The following LRP1B variants were observed in gnomAD, a reference collection of about 807,000 sequenced individuals.
LRP1B encodes low-density lipoprotein receptor-related protein 1B.
A neutral mutation model predicts 556.6 loss-of-function variants in LRP1B; 217 were observed. The ratio of observed to expected loss-of-function variants is 0.39; its 90% CI spans 0.35 to 0.44. LRP1B has a LOEUF of 0.44. Ranked by LOEUF, LRP1B falls within the 20% of genes least tolerant of loss-of-function variation. LRP1B has a pLI of 1.00. For synonymous variants in LRP1B, 2,047 were observed against 1,865.8 expected (o/e 1.10, Z -2.50); for missense variants, 5,053 against 5,620.8 (o/e 0.90, Z 3.23).
intron 7 of LRP1B, among the ~76,000 whole-genome samples, chr2:141,142,744 C>G (rs1217015640): frequency 6.6e-6 from 1 of 151,864 alleles, no homozygotes; most frequent in Non-Finnish European, 1.5e-5. Context: ...TAGGAATGTG[C>G]TCATAACATT....
chr2:141,459,828 T>C (rs1681791178), intron 3 of LRP1B, among the ~76,000 whole-genome samples: 1 of 152,116 alleles, frequency 6.6e-6, no homozygotes, highest in Non-Finnish European at 1.5e-5. Context: ...CAGTCTTGGG[T>C]ATGTCTTTAT....
At chr2:140,996,276 C>T (rs1344525265) in intron 15 of LRP1B, among the ~76,000 whole-genome samples, 1 of 151,978 alleles carries the variant, frequency 6.6e-6, no homozygotes, top group Non-Finnish European at 1.5e-5. Context: ...GTAGTTATAT[C>T]ACAAAGAAAC....
At chr2:141,832,558 G>T (rs1326501461) in intron 1 of LRP1B, among the ~76,000 whole-genome samples, 2 of 151,688 alleles carry the variant, frequency 1.3e-5, no homozygotes, top group Non-Finnish European at 3.0e-5. Context: ...TTTTGACTAT[G>T]CATTCAAATA....
chr2:142,125,479 A>G (rs1707607357), intron 1 of LRP1B, among the ~76,000 whole-genome samples: 1 of 151,854 alleles, frequency 6.6e-6, no homozygotes, highest in South Asian at 2.1e-4. Context: ...TGGAACTCAC[A>G]TATGGAAATT....
intron 32 of LRP1B, among the ~76,000 whole-genome samples, chr2:140,792,701 T>A (rs966444316): frequency 1.3e-5 from 2 of 152,138 alleles, no homozygotes; most frequent in African/African-American, 4.8e-5. Flanking sequence ...AAGAACCAGA[T>A]GTTTCTCTAG....
intron 41 of LRP1B, among the ~76,000 whole-genome samples, chr2:140,661,520 A>AC (rs1353473981): frequency 6.7e-6 from 1 of 148,916 alleles, no homozygotes; most frequent in Admixed American, 6.6e-5. Flanking sequence ...AAAAAAAAAA[A>AC]ACGCAGTGTG....
At chr2:141,826,177 T>C (rs998008383) in intron 1 of LRP1B, among the ~76,000 whole-genome samples, 2 of 151,806 alleles carry the variant, frequency 1.3e-5, no homozygotes, top group African/African-American at 4.8e-5. Context: ...GACTATTCTA[T>C]ATAGAAAAAA....
At chr2:141,203,071 G>T (rs936399568) in intron 6 of LRP1B, among the ~76,000 whole-genome samples, 24 of 152,080 alleles carry the variant, frequency 1.6e-4, no homozygotes, top group African/African-American at 5.8e-4. Context: ...ACTGGTACCA[G>T]CCGCTGCAAA....
chr2:140,664,077 A>T (rs550796313), intron 41 of LRP1B, among the ~76,000 whole-genome samples: 15 of 152,300 alleles, frequency 9.8e-5, no homozygotes, highest in African/African-American at 3.4e-4. Flanking sequence ...GCAAGTAATT[A>T]AGTTCACTCT....
chr2:142,122,196 A>G (rs919731166), intron 1 of LRP1B, among the ~76,000 whole-genome samples: 17 of 152,076 alleles, frequency 1.1e-4, no homozygotes, highest in African/African-American at 4.1e-4. Context: ...CATGCCCTTC[A>G]TTACTTTATG....
chr2:141,732,194 C>A (rs1693298836), intron 2 of LRP1B, among the ~76,000 whole-genome samples: 1 of 152,082 alleles, frequency 6.6e-6, no homozygotes, highest in African/African-American at 2.4e-5. Flanking sequence ...TGCTTCTATC[C>A]TGTATTTCAG....
chr2:140,544,338 T>G, intron 43 of LRP1B, among the ~76,000 whole-genome samples: 1 of 151,988 alleles, frequency 6.6e-6, no homozygotes, highest in South Asian at 2.1e-4. Flanking sequence ...ACTTTTAAGT[T>G]CAGGGATATA....
intron 41 of LRP1B, among the ~76,000 whole-genome samples, chr2:140,606,844 GA>G (rs1460260305): frequency 2.0e-5 from 3 of 152,028 alleles, no homozygotes; most frequent in South Asian, 4.1e-4. Context: ...GGTAGATGAT[GA>G]AACTCTTAGG....
At chr2:141,779,612 T>C (rs2105635645) in intron 2 of LRP1B, among the ~76,000 whole-genome samples, 1 of 152,142 alleles carries the variant, frequency 6.6e-6, no homozygotes, top group South Asian at 2.1e-4. Flanking sequence ...AGATGGGGTT[T>C]CGCCTCTTTT....
intron 66 of LRP1B, among the ~76,000 whole-genome samples, chr2:140,412,255 C>G (rs1282504095): frequency 4.6e-5 from 7 of 151,988 alleles, no homozygotes; most frequent in Admixed American, 4.6e-4. Context: ...CTTCAGTTTA[C>G]AAGAATAATT....
chr2:141,030,179 A>G (rs1351576658), intron 11 of LRP1B, among the ~76,000 whole-genome samples: 1 of 152,132 alleles, frequency 6.6e-6, no homozygotes, highest in African/African-American at 2.4e-5. Flanking sequence ...CTAGTACAGT[A>G]GTAAATACAA....
Position 140,635,622 on chromosome 2 carries a change from T to C in LRP1B, c.6800-33983A>G, listed in dbSNP as rs114988571. On this transcript the variant is annotated intron_variant, in intron 41 of 90. Coordinates refer to ENST00000389484, the MANE Select transcript of LRP1B (RefSeq NM_018557.3). Reference sequence around the variant, plus strand: ...TCTTTCCACTGACGGGAATGGTACATTGGTTCATCTGTACTCTGAGTTTTA... The same window carrying C: ...TCTTTCCACTGACGGGAATGGTACACTGGTTCATCTGTACTCTGAGTTTTA... 9.1e-3 allele frequency among the ~76,000 whole-genome samples: 1,379 copies of C among 152,124 alleles called. 22 individuals are homozygous for C. Among genetic ancestry groups the C allele is most frequent in the African/African-American group, 0.031 (1,292 of 41,526 alleles).
chr2:140,628,316 G>C (rs544980968), intron 41 of LRP1B, among the ~76,000 whole-genome samples: 2 of 152,050 alleles, frequency 1.3e-5, no homozygotes, highest in Non-Finnish European at 2.9e-5. Context: ...GGATCACGAG[G>C]TCAGGAGATC....
intron 3 of LRP1B, among the ~76,000 whole-genome samples, chr2:141,365,233 G>A (rs972267525): frequency 6.6e-6 from 1 of 152,000 alleles, no homozygotes; most frequent in African/African-American, 2.4e-5. Context: ...TTGTTTGTTT[G>A]TTTGTTTGTT....
Sources: allele counts gnomAD v4.1 joint callset (sites outside exome capture counted in the v4.1 genomes callset), GRCh38; gene constraint gnomAD v4.1.1; transcripts MANE v1.5; gene names NCBI Gene and HGNC (gene_info 2026-07-23, HGNC 2026-07-21).